PKHD1L1: variants seen among roughly 807,000 people sequenced by gnomAD.
The protein encoded by PKHD1L1 is fibrocystin-L.
Under a neutral mutation model 462.9 loss-of-function variants are expected in PKHD1L1, and 434 were observed. The ratio of observed to expected loss-of-function variants is 0.94; its 90% CI spans 0.87 to 1.02. The LOEUF is 1.02. PKHD1L1 is among the 50% of genes least tolerant of loss of function. The probability of loss-of-function intolerance (pLI) is 0.00; values close to 1 mark genes in which losing one functional copy is unlikely to be tolerated. For synonymous variants in PKHD1L1, 1,781 were observed against 1,750.0 expected (o/e 1.02, Z -0.44); for missense variants, 5,202 against 5,096.1 (o/e 1.02, Z -0.63).
At chr8:109,404,507 A>C in intron 14 of PKHD1L1, 47 bp from the exon 15 acceptor site, 1 of 1,176,486 alleles carries the variant, frequency 8.5e-7, no homozygotes, top group South Asian at 2.3e-5. Flanking sequence ...ATTTCATGGC[A>C]AGTGTTCTGG....
Position 109,498,778 on chromosome 8 carries a change from A to T in PKHD1L1, c.10828+7A>T, listed in dbSNP as rs541307868. ...GGCCTTTTGGACATCTCAGGCAAGT[A>T]CACAGTCTTTTACAAATCTTCTCAA... On this transcript the variant is annotated splice_region_variant and intron_variant, in intron 67 of 77. Coordinates refer to ENST00000378402, the MANE Select transcript of PKHD1L1 (RefSeq NM_177531.6). The T allele has an allele frequency of 1.9e-6, 3 of 1,582,110 alleles. No homozygotes were observed. The African/African-American group carries it at 4.0e-5, about 21-fold the overall frequency.
intron 55 of PKHD1L1, chr8:109,480,702 C>A (rs1466403160): frequency 1.9e-5 from 8 of 428,452 alleles, no homozygotes; most frequent in Admixed American, 7.9e-5. Flanking sequence ...AATTGCTTAG[C>A]CAAAAAGCTA....
At chr8:109,458,940 G>A (rs191574132) in intron 46 of PKHD1L1, among the ~76,000 whole-genome samples, 18 of 152,262 alleles carry the variant, frequency 1.2e-4, no homozygotes, top group Admixed American at 3.9e-4. Flanking sequence ...ATGCATGAAT[G>A]TGTACATTAT....
intron 19 of PKHD1L1, 28 bp downstream of exon 19, chr8:109,410,006 C>T (rs901381420): frequency 8.3e-7 from 1 of 1,199,258 alleles, no homozygotes; most frequent in Non-Finnish European, 1.2e-6. Flanking sequence ...AACTGTGAAA[C>T]TGACCTAATA....
Position 109,400,146 on chromosome 8 carries a change from CA to C in PKHD1L1, c.1085del (p.Asn362MetfsTer13). The C allele has an allele frequency of 6.2e-7, 1 of 1,609,426 alleles. No individual in the cohort carries two copies. Among genetic ancestry groups the C allele is most frequent in the South Asian group, 1.1e-5 (1 of 90,970 alleles). On this transcript the variant is annotated frameshift_variant, in exon 13 of 78. Coordinates refer to ENST00000378402, the MANE Select transcript of PKHD1L1 (RefSeq NM_177531.6). LOFTEE classifies it high-confidence loss of function. ...TACGTTTGGAAGAGATACTGGAATA[CA>C]ATGAAAAAACGCCTGGGTACATGGG... ...PIRLEEILEY[N>X]EKTPGYMGAS...
At chr8:109,406,765 A>G (rs1050611238) in intron 17 of PKHD1L1, among the ~76,000 whole-genome samples, 2 of 152,126 alleles carry the variant, frequency 1.3e-5, no homozygotes, top group Non-Finnish European at 2.9e-5. Flanking sequence ...AATAAAATTT[A>G]GGCAAATCAC....
At position 109,388,518 on chromosome 8, in the gene PKHD1L1, CTG is replaced by C; in HGVS notation, c.594_595del (p.Cys198Ter). 6.6e-7 allele frequency: 1 copy of C among 1,518,862 alleles called. No homozygotes were observed. Among genetic ancestry groups the C allele is most frequent in the Non-Finnish European group, 8.9e-7 (1 of 1,118,898 alleles). The allele number at this position is 1,518,862 out of a possible 1,614,324, so 94.1% of individuals were successfully genotyped here. A position where few individuals can be genotyped will look rare whatever the true frequency, so the allele number is the denominator to read the frequency against. On this transcript the variant is annotated frameshift_variant, in exon 7 of 78. Transcript: ENST00000378402. LOFTEE classifies it high-confidence loss of function. The stretch of plus-strand genomic sequence containing the variant: ...ACAGAGTTTACATTGGAGGAATGCC[CTG>C]TGAGCTTCTCATACCACAATCTGAT... ...ILRVYIGGMP[C>X]ELLIPQSDNL...
chr8:109,370,372 C>G (rs1420903668), intron 2 of PKHD1L1, among the ~76,000 whole-genome samples: 1 of 152,092 alleles, frequency 6.6e-6, no homozygotes, highest in Admixed American at 6.5e-5. Flanking sequence ...CCTTGGCTTC[C>G]TAAAGTGCTG....
At chr8:109,459,540 ATATGT>A in intron 46 of PKHD1L1, 50 bp from the exon 47 acceptor site, 2 of 1,350,522 alleles carry the variant, frequency 1.5e-6, no homozygotes, top group Non-Finnish European at 2.0e-6. Flanking sequence ...TACCAAAACA[ATATGT>A]TATGTCAATT....
In PKHD1L1 at chr8:109,448,185, G is replaced by T. The variant is rs761634488; in HGVS notation, c.5819G>T (p.Gly1940Val). Reference protein sequence around the residue: ...TEIEITGSNFGFEILEISVMI... With the variant: ...TEIEITGSNFVFEILEISVMI... The stretch of plus-strand genomic sequence containing the variant: ...ATTGAGATCACTGGATCCAACTTTG[G>T]CTTTGAGATCTTGGAAATCTCCGTG... The change falls in exon 39 of 78, where the codon GGC becomes GTC. Residue 1940 changes from glycine to valine, a missense_variant. By Grantham distance (109) the Gly-to-Val change is moderately radical. This residue lies in a region of PKHD1L1 where 4,497 missense variants were observed against 4,336.8 expected (regional missense o/e 1.04). Transcript: ENST00000378402. 11 of 1,610,566 alleles carry T rather than the reference G, an allele frequency of 6.8e-6. No homozygotes were observed. The highest frequency in any genetic ancestry group is 9.3e-6 in the Non-Finnish European group (11 of 1,178,494).
At position 109,493,675 on chromosome 8, in the gene PKHD1L1, C is replaced by A. The variant is rs748343377; in HGVS notation, c.10251C>A (p.Thr3417=). The change falls in exon 63 of 78, where the codon ACC becomes ACA. Residue 3417 remains threonine (T), a synonymous_variant. Transcript: ENST00000378402. ...CATTGCACTAGATAAATAGAGGGAC[C>A]AATACAGTTTTACAGAATAATGTAG... is the stretch of plus-strand genomic sequence containing the variant. ...WHAAIEINRG[T]NTVLQNNVVA... 1.7e-5 allele frequency: 27 copies of A among 1,603,226 alleles called. No individual in the cohort carries two copies. The South Asian group carries it at 2.6e-4, about 15-fold the overall frequency.
intron 25 of PKHD1L1, among the ~76,000 whole-genome samples, chr8:109,428,407 A>T (rs2130682837): frequency 6.6e-6 from 1 of 152,354 alleles, no homozygotes; most frequent in East Asian, 1.9e-4. Flanking sequence ...AAAGTGGAAA[A>T]AAATGCAGAA....
chr8:109,493,630 G>A lies in PKHD1L1; in HGVS notation c.10237-31G>A, dbSNP rs376873829. ...TTATATAAATGTTTACTAGCCTGATGCACAGTATTTTTTTTTAATCATTGC... is the reference window on the plus strand; with the variant it reads ...TTATATAAATGTTTACTAGCCTGATACACAGTATTTTTTTTTAATCATTGC... On this transcript the variant is annotated intron_variant, in intron 62 of 77. Transcript: ENST00000378402. 3.6e-6 allele frequency: 5 copies of A among 1,402,706 alleles called. No homozygotes were observed. The African/African-American group carries it at 7.2e-5, about 20-fold the overall frequency. 86.9% of individuals were successfully genotyped at this position (1,402,706 alleles called of 1,614,324 possible). A position where few individuals can be genotyped will look rare whatever the true frequency, so the allele number is the denominator to read the frequency against.
chr8:109,372,978 C>T (rs1811595917), intron 2 of PKHD1L1, among the ~76,000 whole-genome samples: 7 of 151,924 alleles, frequency 4.6e-5, no homozygotes, highest in Admixed American at 4.6e-4. Context: ...TTTTTTGTTG[C>T]ATCTCTGCCC....
chr8:109,450,869 A>G, intron 40 of PKHD1L1, 106 bp from the exon 41 acceptor site: 2 of 1,114,520 alleles, frequency 1.8e-6, no homozygotes, highest in Non-Finnish European at 2.5e-6. Flanking sequence ...TGGAAAAGGA[A>G]GATGATTGTG....
intron 77 of PKHD1L1, among the ~76,000 whole-genome samples, chr8:109,529,708 C>T (rs1820980831): frequency 6.6e-6 from 1 of 151,920 alleles, no homozygotes; most frequent in African/African-American, 2.4e-5. Flanking sequence ...TACCATTTTT[C>T]AATTAGAATA....
rs1316829315 is a variant in PKHD1L1, at chr8:109,466,656, T to C, written c.8492T>C (p.Ile2831Thr). 12 of 1,610,920 alleles carry C rather than the reference T, an allele frequency of 7.4e-6. No homozygotes were observed. Among genetic ancestry groups the C allele is most frequent in the Non-Finnish European group, 9.3e-6 (11 of 1,178,590 alleles). ...TGTACTCAGGAAGCTGAGTGGAGCA[T>C]TGGGTTCCCTGGATCAGTCTGTGAT... The part of the protein sequence containing the change: ...SHCTQEAEWS[I>T]GFPGSVCDAS... Residue 2831 changes from isoleucine to threonine, a missense_variant, in exon 50 of 78, where the codon ATT (isoleucine) becomes ACT (threonine). This residue lies in a region of PKHD1L1 where 4,497 missense variants were observed against 4,336.8 expected (regional missense o/e 1.04). Coordinates refer to ENST00000378402, the MANE Select transcript of PKHD1L1 (RefSeq NM_177531.6).
chr8:109,470,443 G>C, intron 50 of PKHD1L1: 1 of 1,599,520 alleles, frequency 6.3e-7, no homozygotes, highest in Non-Finnish European at 8.5e-7. Context: ...ATCAAAATGT[G>C]AAAGGAATGG....
At chr8:109,412,750 A>G (rs752063130) in intron 20 of PKHD1L1, among the ~76,000 whole-genome samples, 5 of 152,170 alleles carry the variant, frequency 3.3e-5, no homozygotes, top group Non-Finnish European at 7.4e-5. Context: ...AAGAAGAAAG[A>G]AAAATGGCTA....
Sources: allele counts gnomAD v4.1 joint callset (sites outside exome capture counted in the v4.1 genomes callset), GRCh38; gene constraint gnomAD v4.1.1; regional missense constraint gnomAD v4.1.1; transcripts MANE v1.5; gene names NCBI Gene and HGNC (gene_info 2026-07-23, HGNC 2026-07-21).